The following KIF1B variants were observed in gnomAD, a reference collection of about 807,000 sequenced individuals.
The protein encoded by KIF1B is kinesin-like protein KIF1B.
In KIF1B, 76 loss-of-function variants were observed where a neutral mutation model predicts 241.9. That is an observed-to-expected ratio of 0.31 (90% CI 0.26 to 0.38). The LOEUF (loss-of-function observed/expected upper bound fraction) is 0.38. KIF1B is among the 10% of genes least tolerant of loss of function. KIF1B has a pLI of 1.00. For missense variants in KIF1B, 1,622 were observed against 2,271.4 expected, an observed-to-expected ratio of 0.71 and a Z score of 5.81; for synonymous variants, 750 against 796.7, an observed-to-expected ratio of 0.94 and a Z score of 0.99.
chr1:10,309,805 A>G (rs1650990481), intron 22 of KIF1B, among the ~76,000 whole-genome samples: 1 of 151,552 alleles, frequency 6.6e-6, no homozygotes. Context: ...AAAGAATCTT[A>G]GTCTTACTGT....
At chr1:10,231,606 C>T (rs772369212) in intron 1 of KIF1B, among the ~76,000 whole-genome samples, 2 of 151,710 alleles carry the variant, frequency 1.3e-5, no homozygotes, top group African/African-American at 2.4e-5. Flanking sequence ...AGGCTGGTCT[C>T]GAACTCCTGA....
At chr1:10,253,145 A>G (rs1183438605) in intron 2 of KIF1B, among the ~76,000 whole-genome samples, 2 of 152,182 alleles carry the variant, frequency 1.3e-5, no homozygotes, top group Admixed American at 6.6e-5. Context: ...ACAATGCTGC[A>G]TATAGGGAAT....
In KIF1B at chr1:10,380,444, G is replaced by A. The variant is rs536529721; in HGVS notation, c.*3857G>A. The A allele has an allele frequency of 1.8e-4, 33 of 186,426 alleles. No homozygotes were observed. The South Asian group carries it at 6.4e-3, about 36-fold the overall frequency. 11.5% of individuals were successfully genotyped at this position (186,426 alleles called of 1,614,324 possible). A position where few individuals can be genotyped will look rare whatever the true frequency, so the allele number is the denominator to read the frequency against. ...GATTCAACCGGGTGTGGTGGCTCAC[G>A]CCTGTAATCCCAGCACATTGGGAGG... On this transcript the variant is annotated 3_prime_UTR_variant, in exon 49 of 49. Coordinates refer to ENST00000676179, the MANE Select transcript of KIF1B (RefSeq NM_001365951.3).
chr1:10,211,858 G>C (rs1206206812), intron 1 of KIF1B: 3 of 152,150 alleles, frequency 2.0e-5, no homozygotes, highest in Admixed American at 6.6e-5. Context: ...TGCATAGGCC[G>C]ATCTGAGAAT....
chr1:10,331,254 T>G (rs1651911896), intron 27 of KIF1B, among the ~76,000 whole-genome samples: 2 of 152,262 alleles, frequency 1.3e-5, no homozygotes, highest in African/African-American at 4.8e-5. Flanking sequence ...TCTGTGTATG[T>G]GTTGACTTTG....
At chr1:10,252,487 TG>T (rs1647514642) in intron 2 of KIF1B, among the ~76,000 whole-genome samples, 1 of 152,026 alleles carries the variant, frequency 6.6e-6, no homozygotes, top group Admixed American at 6.6e-5. Context: ...CTTGGCTAAC[TG>T]CAGCCTGGAC....
intron 2 of KIF1B, among the ~76,000 whole-genome samples, chr1:10,255,433 T>TA (rs1457139930): frequency 2.6e-5 from 4 of 151,824 alleles, no homozygotes; most frequent in South Asian, 2.1e-4. Context: ...CTACTAAAAA[T>TA]AAAAAAATTA....
At chr1:10,327,037 A>T (rs115337855) in intron 27 of KIF1B, among the ~76,000 whole-genome samples, 4 of 152,144 alleles carry the variant, frequency 2.6e-5, no homozygotes, top group African/African-American at 9.7e-5. Context: ...AAAATCATCT[A>T]TTGACCCCAT....
At chr1:10,312,878 C>T (rs1051920987) in intron 22 of KIF1B, among the ~76,000 whole-genome samples, 3 of 151,396 alleles carry the variant, frequency 2.0e-5, no homozygotes, top group Admixed American at 6.6e-5. Context: ...GTCTTATTGA[C>T]CACTAGCATT....
chr1:10,245,739 T>C (rs1293263510), intron 2 of KIF1B, among the ~76,000 whole-genome samples: 1 of 152,154 alleles, frequency 6.6e-6, no homozygotes, highest in Non-Finnish European at 1.5e-5. Flanking sequence ...GAGCAAGTTA[T>C]TGGGGAAATC....
intron 22 of KIF1B, chr1:10,304,079 A>T: frequency 6.2e-7 from 1 of 1,613,946 alleles, no homozygotes; most frequent in Non-Finnish European, 8.5e-7. Flanking sequence ...TTTAAGAGCA[A>T]CCCTAAACAC....
intron 22 of KIF1B, among the ~76,000 whole-genome samples, chr1:10,312,879 CA>C (rs1651128465): frequency 6.6e-6 from 1 of 151,364 alleles, no homozygotes; most frequent in Non-Finnish European, 1.5e-5. Context: ...TCTTATTGAC[CA>C]CTAGCATTTG....
intron 17 of KIF1B, among the ~76,000 whole-genome samples, chr1:10,294,637 G>A (rs1215272999): frequency 1.3e-5 from 2 of 152,180 alleles, no homozygotes; most frequent in African/African-American, 4.8e-5. Flanking sequence ...GGAGGCCAAG[G>A]AGGGTGGGTC....
chr1:10,277,890 A>G (rs1649200064), intron 12 of KIF1B, 96 bp from the exon 13 acceptor site: 2 of 1,089,726 alleles, frequency 1.8e-6, no homozygotes, highest in East Asian at 5.1e-5. Flanking sequence ...TAAAATGTAA[A>G]CACTCAGGAT....
intron 22 of KIF1B, among the ~76,000 whole-genome samples, chr1:10,315,914 G>T (rs1246325809): frequency 6.6e-6 from 1 of 151,222 alleles, no homozygotes; most frequent in African/African-American, 2.5e-5. Context: ...AATTTAACTG[G>T]GCATGGTGGT....
At chr1:10,264,141 C>G (rs997088224) in intron 5 of KIF1B, among the ~76,000 whole-genome samples, 1 of 152,166 alleles carries the variant, frequency 6.6e-6, no homozygotes, top group Non-Finnish European at 1.5e-5. Context: ...ATTCTATTTT[C>G]TTTTTTCCAT....
At chr1:10,358,424 A>G (rs192068282) in intron 38 of KIF1B, among the ~76,000 whole-genome samples, 74 of 152,344 alleles carry the variant, frequency 4.9e-4, no homozygotes, top group African/African-American at 1.4e-3. Context: ...ATTTCTGTCA[A>G]ATATCACCAA....
chr1:10,222,908 T>A (rs1646863158), intron 1 of KIF1B, among the ~76,000 whole-genome samples: 1 of 152,244 alleles, frequency 6.6e-6, no homozygotes, highest in Non-Finnish European at 1.5e-5. Context: ...ACTTGGAAGA[T>A]GTATTTTTTT....
intron 1 of KIF1B, among the ~76,000 whole-genome samples, chr1:10,228,010 C>A (rs1557649730): frequency 6.6e-6 from 1 of 151,772 alleles, no homozygotes; most frequent in Non-Finnish European, 1.5e-5. Flanking sequence ...CATGGTGAAA[C>A]CCTGTCTCTA....
Sources: gnomAD v4.1 joint callset for allele counts (sites outside exome capture counted in the v4.1 genomes callset) on GRCh38, gnomAD v4.1.1 for gene constraint, MANE v1.5 for transcripts, NCBI Gene and HGNC (gene_info 2026-07-23, HGNC 2026-07-21) for gene names.